Variants in TFRC observed in about 807,000 individuals in gnomAD.
The protein encoded by TFRC is transferrin receptor protein 1.
TFRC carries 35 observed loss-of-function variants against 85.8 expected under a neutral mutation model. The ratio of observed to expected loss-of-function variants is 0.41; its 90% CI spans 0.31 to 0.54. The LOEUF (loss-of-function observed/expected upper bound fraction) is 0.54, where lower values mean the gene tolerates loss of function less well. Ranked by LOEUF, TFRC falls within the 20% of genes least tolerant of loss-of-function variation. TFRC has a pLI of 0.31. For synonymous variants in TFRC, 362 were observed against 328.6 expected (o/e 1.10, Z -1.10); for missense variants, 828 against 921.5 (o/e 0.90, Z 1.31).
intron 3 of TFRC, 90 bp downstream of exon 3, chr3:196,075,069 A>AAG: frequency 3.1e-6 from 3 of 967,192 alleles, no homozygotes; most frequent in Non-Finnish European, 4.6e-6. Context: ...AAAAAAAATA[A>AAG]GGTACAAAAT....
intron 16 of TFRC, chr3:196,055,610 G>C (rs1463750846): frequency 5.1e-6 from 2 of 395,690 alleles, no homozygotes; most frequent in Non-Finnish European, 4.7e-6. Flanking sequence ...TTTCTCTCTG[G>C]GAAGTTTGGG....
rs752918453 is a variant in TFRC, at chr3:196,065,446, G to C, written c.1195C>G (p.Pro399Ala). Residue 399 changes from proline (P) to alanine (A), a missense_variant, in exon 10 of 19, where the codon CCA becomes GCA. Transcript: ENST00000360110. ...IFGVIKGFVE[P>A]DHYVVVGAQR... ...GGGGGGGGGGGGCGGTCTTTACCTG[G>C]TTCTACAAAGCCTTTAATAACTCCA... 2 of 978,972 alleles carry C rather than the reference G, an allele frequency of 2.0e-6. No individual in the cohort carries two copies. Among genetic ancestry groups the C allele is most frequent in the East Asian group, 3.6e-5 (1 of 27,750 alleles). The allele number at this position is 978,972 out of a possible 1,614,324, so 60.6% of individuals were successfully genotyped here.
In TFRC at chr3:196,075,261, C is replaced by G. The variant is rs541010181; in HGVS notation, c.136G>C (p.Glu46Gln). Residue 46 changes from glutamate (E) to glutamine (Q), a missense_variant, in exon 3 of 19, where the codon GAA becomes CAA. By Grantham distance (29) the Glu-to-Gln change is conservative. Transcript: ENST00000360110. ...VEMKLAVDEE[E>Q]NADNNTKANV... The stretch of plus-strand genomic sequence containing the variant: ...GCCTTTGTGTTATTGTCAGCATTTT[C>G]TTCTTCATCTACAGCAAGTTTCATC... 59 of 1,614,100 alleles carry G rather than the reference C, an allele frequency of 3.7e-5. No individual in the cohort carries two copies. In the South Asian group the frequency reaches 6.5e-4, roughly 18 times the overall value.
chr3:196,053,349 G>C, intron 18 of TFRC, 69 bp downstream of exon 18: 2 of 1,557,562 alleles, frequency 1.3e-6, no homozygotes. Context: ...TGTCCACTTT[G>C]CAGAAGTGTA....
chr3:196,063,076 A>G lies in TFRC; in HGVS notation c.1319-137T>C, dbSNP rs905480529. On this transcript the variant is annotated intron_variant, in intron 11 of 18. Transcript: ENST00000360110. ...AAAATCTTTTTTTTCTGAGCCAAAA[A>G]AGAAAAAAAAAACTAACAAAATCTT... 2.0e-5 allele frequency: 13 copies of G among 635,910 alleles called. No homozygotes were observed. In the African/African-American group the frequency reaches 2.4e-4, roughly 12 times the overall value. The allele number at this position is 635,910 out of a possible 1,614,324, so 39.4% of individuals were successfully genotyped here.
chr3:196,070,332 T>C (rs1455481111), intron 6 of TFRC, among the ~76,000 whole-genome samples: 4 of 151,552 alleles, frequency 2.6e-5, no homozygotes, highest in Non-Finnish European at 5.9e-5. Context: ...TGGCGCAATA[T>C]CCGCTCACTG....
intron 7 of TFRC, among the ~76,000 whole-genome samples, chr3:196,068,942 AAAAG>A (rs1717963623): frequency 1.3e-5 from 2 of 151,532 alleles, no homozygotes; most frequent in African/African-American, 2.4e-5. Flanking sequence ...AAAAAAAAAA[AAAAG>A]AAAAGAAAAA....
At chr3:196,063,020 C>A in intron 11 of TFRC, 81 bp from the exon 12 acceptor site, 1 of 1,118,134 alleles carries the variant, frequency 8.9e-7, no homozygotes, top group South Asian at 1.4e-5. Context: ...TAAGATGAAT[C>A]AGAAGGTCTA....
rs1718020975 is a variant in TFRC, at chr3:196,069,581, C to T, written c.688-13G>A. ...GGACCAGTTTACCCTAGAACAAAGA[C>T]ATTAGATTTAATGAGCATTATGGTA... On this transcript the variant is annotated splice_polypyrimidine_tract_variant and intron_variant, in intron 6 of 18. Coordinates refer to ENST00000360110, the MANE Select transcript of TFRC (RefSeq NM_001128148.3). The T allele has an allele frequency of 6.7e-7, 1 of 1,487,942 alleles. No homozygotes were observed. Among genetic ancestry groups the T allele is most frequent in the Non-Finnish European group, 9.4e-7 (1 of 1,067,590 alleles). 92.2% of individuals were successfully genotyped at this position (1,487,942 alleles called of 1,614,324 possible).
intron 16 of TFRC, chr3:196,057,863 T>C (rs192821200): frequency 6.8e-6 from 1 of 147,866 alleles, no homozygotes; most frequent in Admixed American, 6.7e-5. Context: ...AAAATCAAAA[T>C]GGAGTCACTA....
Position 196,051,816 on chromosome 3 carries a change from G to C in TFRC, c.*126C>G. The stretch of plus-strand genomic sequence containing the variant: ...AGCTGCTGCCTAAAGACATCTAGTA[G>C]TACCAAGATGATGGGATGGAATTTT... On this transcript the variant is annotated 3_prime_UTR_variant, in exon 19 of 19. Transcript: ENST00000360110. 1.7e-6 allele frequency: 2 copies of C among 1,147,702 alleles called. No homozygotes were observed. Among genetic ancestry groups the C allele is most frequent in the South Asian group, 1.5e-5 (1 of 65,952 alleles). The allele number at this position is 1,147,702 out of a possible 1,614,324, so 71.1% of individuals were successfully genotyped here. A position where few individuals can be genotyped will look rare whatever the true frequency, so the allele number is the denominator to read the frequency against.
rs772462707 is a variant in TFRC, at chr3:196,067,534, C to A, written c.1024G>T (p.Ala342Ser). Residue 342 changes from alanine (A) to serine (S), a missense_variant, in exon 9 of 19, where the codon GCA becomes TCA. Transcript: ENST00000360110. ...AAAACTTACCCAAACAGCTTTTCTG[C>A]AGCAGCTCTGGAGATTGTCTGGACA... ...IPVQTISRAA[A>S]EKLFGNMEGD... The A allele has an allele frequency of 6.2e-7, 1 of 1,613,202 alleles. No individual in the cohort carries two copies. The highest frequency in any genetic ancestry group is 8.5e-7 in the Non-Finnish European group (1 of 1,179,664).
intron 1 of TFRC, among the ~76,000 whole-genome samples, chr3:196,079,594 C>T (rs561833637): frequency 1.3e-5 from 2 of 152,256 alleles, no homozygotes; most frequent in African/African-American, 4.8e-5. Flanking sequence ...ACAGCCTGGG[C>T]AACAAGCGTG....
chr3:196,074,087 C>A lies in TFRC; in HGVS notation c.277G>T (p.Glu93Ter), dbSNP rs780538474. ...IGYLGYCKGV[E>*]PKTECERLAG... is the part of the protein sequence containing the mutation. ...AGTCTCTCACACTCAGTTTTTGGTT[C>A]TACCCCTTTACAATAGCCCAAGTAG... Residue 93 changes from glutamate to a stop codon, truncating the protein, a stop_gained, in exon 4 of 19, where the codon GAA becomes TAA. Transcript: ENST00000360110. LOFTEE classifies it high-confidence loss of function. 1 of 1,614,076 alleles carries A rather than the reference C, an allele frequency of 6.2e-7. No individual in the cohort carries two copies. The highest frequency in any genetic ancestry group is 8.5e-7 in the Non-Finnish European group (1 of 1,179,998).
At chr3:196,076,525 T>C (rs1339755827) in intron 2 of TFRC, among the ~76,000 whole-genome samples, 5 of 150,834 alleles carry the variant, frequency 3.3e-5, no homozygotes, top group South Asian at 2.1e-4. Flanking sequence ...TCTCAGCTCA[T>C]TGCAACCTCC....
intron 13 of TFRC, among the ~76,000 whole-genome samples, chr3:196,062,006 G>A (rs1244263452): frequency 6.6e-6 from 1 of 152,188 alleles, no homozygotes; most frequent in East Asian, 1.9e-4. Flanking sequence ...GCTCATGCCT[G>A]TAACCGCAGC....
chr3:196,052,359 C>T (rs1268282762), intron 18 of TFRC, among the ~76,000 whole-genome samples, 175 bp from the exon 19 acceptor site: 2 of 146,310 alleles, frequency 1.4e-5, no homozygotes, highest in Non-Finnish European at 3.0e-5. Context: ...AGTGCAACAG[C>T]GCTATCTCGG....
In TFRC at chr3:196,067,563, A is replaced by G. The variant is rs150352808; in HGVS notation, c.995T>C (p.Ile332Thr). Residue 332 changes from isoleucine to threonine, a missense_variant, in exon 9 of 19, where the codon ATA becomes ACA. Ile to Thr is a moderately conservative substitution (Grantham distance 89, BLOSUM62 -1). Transcript: ENST00000360110. ...AGCTCTGGAGATTGTCTGGACAGGT[A>G]TATTAGGCAATCCTGATGACCGAGA... The part of the protein sequence containing the change: ...PPSRSSGLPN[I>T]PVQTISRAAA... 5 of 1,614,090 alleles carry G rather than the reference A, an allele frequency of 3.1e-6. No homozygotes were observed. The Admixed American group carries it at 5.0e-5, about 16-fold the overall frequency.
In TFRC at chr3:196,052,157, C is replaced by T. The variant is rs577771580; in HGVS notation, c.2068G>A (p.Val690Ile). 20 of 1,613,950 alleles carry T rather than the reference C, an allele frequency of 1.2e-5. No homozygotes were observed. In the African/African-American group the frequency reaches 1.7e-4, roughly 14 times the overall value. The stretch of plus-strand genomic sequence containing the variant: ...CGGAAAGGAGACTCTTTTGGAGATA[C>T]GTAGGGAGAGAGGAAGTGATACTCC... ...RVEYHFLSPY[V>I]SPKESPFRHV... The change falls in exon 19 of 19, where the codon GTA (valine) becomes ATA (isoleucine). Residue 690 changes from valine to isoleucine, a missense_variant. Physicochemically the swap from Val to Ile is conservative, Grantham distance 29. Coordinates refer to ENST00000360110, the MANE Select transcript of TFRC (RefSeq NM_001128148.3).
Sources: allele counts gnomAD v4.1 joint callset (sites outside exome capture counted in the v4.1 genomes callset), GRCh38; gene constraint gnomAD v4.1.1; transcripts MANE v1.5; gene names NCBI Gene and HGNC (gene_info 2026-07-23, HGNC 2026-07-21).